The following BCS1L variants were observed in gnomAD, a reference collection of about 807,000 sequenced individuals.
BCS1L encodes the protein mitochondrial chaperone BCS1.
BCS1L carries 38 observed loss-of-function variants against 49.3 expected under a neutral mutation model. The observed-to-expected ratio is 0.77, with a 90% CI of 0.59 to 1.01. The LOEUF (loss-of-function observed/expected upper bound fraction) is 1.01, where lower values mean the gene tolerates loss of function less well. Ranked by LOEUF, BCS1L falls within the 50% of genes least tolerant of loss-of-function variation. The pLI is 0.00. For synonymous variants in BCS1L, 193 were observed against 210.1 expected (o/e 0.92, Z 0.70); for missense variants, 394 against 540.2 (o/e 0.73, Z 2.68).
rs6722185 is a variant in BCS1L, at chr2:218,660,859, A to G, written c.-49-80A>G. ...AAGGAGGGTATTGACCCACACAGTA[A>G]TGCTGACCTGTGGCCAGGGCTGGGG... On this transcript the variant is annotated intron_variant, in intron 1 of 7. Coordinates refer to ENST00000359273, the MANE Select transcript of BCS1L (RefSeq NM_001079866.2). The G allele has an allele frequency of 1, 1,020,655 of 1,023,336 alleles. 509,042 individuals carry two copies. The highest frequency in any genetic ancestry group is 1 in the East Asian group (41,180 of 41,180). The allele number at this position is 1,023,336 out of a possible 1,614,324, so 63.4% of individuals were successfully genotyped here. A position where few individuals can be genotyped will look rare whatever the true frequency, so the allele number is the denominator to read the frequency against.
chr2:218,661,077 C>T lies in BCS1L; in HGVS notation c.90C>T (p.Ala30=). The change falls in exon 2 of 8, where the codon GCC becomes GCT. Residue 30 remains alanine, a synonymous_variant. Coordinates refer to ENST00000359273, the MANE Select transcript of BCS1L (RefSeq NM_001079866.2). The surrounding 1 kb of genome is among the most constrained non-coding windows in gnomAD (Gnocchi z 5.9). ...TGGTGGGTGTGGGCACAGCCCTGGC[C>T]CTGGCCCGGAAGGGTGTCCAACTGG... ...FGLVGVGTAL[A]LARKGVQLGL... is the part of the protein sequence containing the mutation. 6.2e-7 allele frequency: 1 copy of T among 1,614,154 alleles called. No homozygotes were observed. The highest frequency in any genetic ancestry group is 8.5e-7 in the Non-Finnish European group (1 of 1,180,034).
At chr2:218,659,666 G>T (rs1405027397), upstream of BCS1L, 1 of 152,290 alleles carries the variant, frequency 6.6e-6, no homozygotes, top group African/African-American at 2.4e-5. The surrounding 1 kb of genome is among the most constrained non-coding windows in gnomAD (Gnocchi z 4.4). Flanking sequence ...GAAAGGACCC[G>T]GGGCGGGGCC....
Position 218,662,791 on chromosome 2 carries a change from G to A in BCS1L, c.890-92G>A. ...CTGGGTTAGTGACAAGAGCCCACAAGACACATGGATAAGTAGGGGAACATA... is the reference window on the plus strand; with the variant it reads ...CTGGGTTAGTGACAAGAGCCCACAAAACACATGGATAAGTAGGGGAACATA... On this transcript the variant is annotated intron_variant, in intron 6 of 7. Coordinates refer to ENST00000359273, the MANE Select transcript of BCS1L (RefSeq NM_001079866.2). The surrounding 1 kb of genome is among the most constrained non-coding windows in gnomAD (Gnocchi z 5.8). The A allele has an allele frequency of 6.3e-7, 1 of 1,587,180 alleles. No homozygotes were observed. Among genetic ancestry groups the A allele is most frequent in the South Asian group, 1.1e-5 (1 of 90,218 alleles).
rs369537319 is a variant in BCS1L at position 218,660,615 on chromosome 2, TG to T, written c.-49-322del. On this transcript the variant is annotated intron_variant, in intron 1 of 7. Transcript: ENST00000359273. ...CTTCTCCCTTGCTGACTGCAGCCAA[TG>T]GACCCCTTTTTATCATAGCTGGTCC... 7.0e-4 allele frequency: 173 copies of T among 248,440 alleles called. 1 individual carries two copies. In the East Asian group the frequency reaches 0.014, roughly 20 times the overall value. 15.4% of individuals were successfully genotyped at this position (248,440 alleles called of 1,614,324 possible).
intron 1 of BCS1L, 151 bp from the exon 2 acceptor site, chr2:218,660,788 C>A: frequency 1.7e-6 from 1 of 605,256 alleles, no homozygotes; most frequent in Non-Finnish European, 2.9e-6. Context: ...GGATGAGGGA[C>A]CTGGAGCCTC....
chr2:218,662,584 G>C lies in BCS1L; in HGVS notation c.794G>C (p.Arg265Pro), dbSNP rs776401479. Residue 265 changes from arginine (R) to proline (P), a missense_variant, in exon 6 of 8, where the codon CGA (arginine) becomes CCA (proline). By Grantham distance (103) the Arg-to-Pro change is moderately radical. Transcript: ENST00000359273. The surrounding 1 kb of genome is among the most constrained non-coding windows in gnomAD (Gnocchi z 5.8). ...ACGGACTCCAGCCTCTCTGATGACCGACTCAACCACCTGCTGAGCGTGGCC... is the reference window on the plus strand; with the variant it reads ...ACGGACTCCAGCCTCTCTGATGACCCACTCAACCACCTGCTGAGCGTGGCC... ...SLTDSSLSDD[R>P]LNHLLSVAPQ... 1.2e-6 allele frequency: 2 copies of C among 1,614,044 alleles called. No individual in the cohort carries two copies. The highest frequency in any genetic ancestry group is 2.7e-5 in the African/African-American group (2 of 74,922).
Position 218,661,723 on chromosome 2 carries a change from A to G in BCS1L, c.461-36A>G. 6.2e-7 allele frequency: 1 copy of G among 1,603,970 alleles called. No homozygotes were observed. The highest frequency in any genetic ancestry group is 8.5e-7 in the Non-Finnish European group (1 of 1,173,878). ...AATTGAAGAATCAGCCATGGTGAAG[A>G]GAATTATTGGCTTTATCTCATCTTC... On this transcript the variant is annotated intron_variant, in intron 3 of 7. Coordinates refer to ENST00000359273, the MANE Select transcript of BCS1L (RefSeq NM_001079866.2). The surrounding 1 kb of genome is among the most constrained non-coding windows in gnomAD (Gnocchi z 5.9).
rs769187920 is a variant in BCS1L at position 218,661,755 on chromosome 2, C to G, written c.461-4C>G. ...TTGGCTTTATCTCATCTTCTCCTTC[C>G]CAGCTCGAGAGCTAGCCTTGCAGCA... On this transcript the variant is annotated splice_region_variant and splice_polypyrimidine_tract_variant and intron_variant, in intron 3 of 7. Coordinates refer to ENST00000359273, the MANE Select transcript of BCS1L (RefSeq NM_001079866.2). The surrounding 1 kb of genome is among the most constrained non-coding windows in gnomAD (Gnocchi z 5.9). The G allele has an allele frequency of 6.2e-7, 1 of 1,608,628 alleles. No individual in the cohort carries two copies. Among genetic ancestry groups the G allele is most frequent in the South Asian group, 1.1e-5 (1 of 90,920 alleles).
In BCS1L at chr2:218,661,334, T is replaced by A; in HGVS notation, c.320+27T>A. 1 of 1,614,164 alleles carries A rather than the reference T, an allele frequency of 6.2e-7. No homozygotes were observed. The highest frequency in any genetic ancestry group is 8.5e-7 in the Non-Finnish European group (1 of 1,180,018). On this transcript the variant is annotated intron_variant, in intron 2 of 7. Transcript: ENST00000359273. The surrounding 1 kb of genome is among the most constrained non-coding windows in gnomAD (Gnocchi z 5.9). ...TAAGGTGGGGAGCTAGGGAGGGCTG[T>A]GAGAGTAGAAAAGAATGATGGGAGC...
rs1939571554 is a variant in BCS1L at position 218,662,424 on chromosome 2, A to G, written c.720-86A>G. 1 of 1,570,478 alleles carries G rather than the reference A, an allele frequency of 6.4e-7. No homozygotes were observed. The highest frequency in any genetic ancestry group is 1.1e-5 in the South Asian group (1 of 90,068). On this transcript the variant is annotated intron_variant, in intron 5 of 7. Transcript: ENST00000359273. This position sits in a 1 kb window ranked among gnomAD's most constrained non-coding sequence, Gnocchi z 5.8. ...GGTAGAAGTCAGGCCTCTGAGACAC[A>G]TGTCCCCAGGCGGTGAGGAGAGTAG...
chr2:218,662,479 CT>C lies in BCS1L; in HGVS notation c.720-30del. On this transcript the variant is annotated intron_variant, in intron 5 of 7. Coordinates refer to ENST00000359273, the MANE Select transcript of BCS1L (RefSeq NM_001079866.2). The surrounding 1 kb of genome is among the most constrained non-coding windows in gnomAD (Gnocchi z 5.8). ...GCCTGAGGAAGCATTTCCAGGTTGCCTGCTACCTCCTGCCATCCCATGCTCC... is the reference window on the plus strand; with the variant it reads ...GCCTGAGGAAGCATTTCCAGGTTGCCGCTACCTCCTGCCATCCCATGCTCC... The C allele has an allele frequency of 6.2e-7, 1 of 1,613,078 alleles. No homozygotes were observed. The highest frequency in any genetic ancestry group is 1.3e-5 in the African/African-American group (1 of 75,018).
chr2:218,661,163 G>A lies in BCS1L; in HGVS notation c.176G>A (p.Ser59Asn), dbSNP rs983262761. The part of the protein sequence containing the change: ...ITLEVPARDR[S>N]YAWLLSWLTR... Reference sequence around the variant, plus strand: ...CTGGAAGTCCCTGCTCGAGACAGGAGCTATGCCTGGTTGCTTAGCTGGCTC... The same window carrying A: ...CTGGAAGTCCCTGCTCGAGACAGGAACTATGCCTGGTTGCTTAGCTGGCTC... The change falls in exon 2 of 8, where the codon AGC becomes AAC. Residue 59 changes from serine (S) to asparagine (N), a missense_variant. Physicochemically the swap from Ser to Asn is conservative, Grantham distance 46. Coordinates refer to ENST00000359273, the MANE Select transcript of BCS1L (RefSeq NM_001079866.2). The surrounding 1 kb of genome is among the most constrained non-coding windows in gnomAD (Gnocchi z 5.9). 2.5e-6 allele frequency: 4 copies of A among 1,614,100 alleles called. No homozygotes were observed. In the African/African-American group the frequency reaches 5.3e-5, roughly 22 times the overall value.
Position 218,661,588 on chromosome 2 carries a change from A to G in BCS1L, c.460+43A>G. 6.2e-7 allele frequency: 1 copy of G among 1,612,176 alleles called. No homozygotes were observed. Among genetic ancestry groups the G allele is most frequent in the Non-Finnish European group, 8.5e-7 (1 of 1,179,198 alleles). On this transcript the variant is annotated intron_variant, in intron 3 of 7. Coordinates refer to ENST00000359273, the MANE Select transcript of BCS1L (RefSeq NM_001079866.2). This position sits in a 1 kb window ranked among gnomAD's most constrained non-coding sequence, Gnocchi z 5.9. Reference sequence around the variant, plus strand: ...CAGGCTTTCTAGGGACATTGCAGGGATGGGGACATTTGACATCAGATGAGC... The same window carrying G: ...CAGGCTTTCTAGGGACATTGCAGGGGTGGGGACATTTGACATCAGATGAGC...
At position 218,661,920 on chromosome 2, in the gene BCS1L, TTCA is replaced by T. The variant is rs1284938469; in HGVS notation, c.625_627del (p.Ile209del). On this transcript the variant is annotated inframe_deletion, in exon 4 of 8. Transcript: ENST00000359273. The surrounding 1 kb of genome is among the most constrained non-coding windows in gnomAD (Gnocchi z 5.9). ...CCGAATTGTCAGAGACGTCCAGGAA[TTCA>T]TCGATAACCCCAAGTGGTACACTGA... 18 of 1,614,020 alleles carry T rather than the reference TTCA, an allele frequency of 1.1e-5. No individual in the cohort carries two copies. The highest frequency in any genetic ancestry group is 1.4e-5 in the Non-Finnish European group (17 of 1,180,036).
chr2:218,661,198 A>G lies in BCS1L; in HGVS notation c.211A>G (p.Ser71Gly). 6.2e-7 allele frequency: 1 copy of G among 1,614,248 alleles called. No individual in the cohort carries two copies. The highest frequency in any genetic ancestry group is 8.5e-7 in the Non-Finnish European group (1 of 1,180,040). Reference sequence around the variant, plus strand: ...GTTGCTTAGCTGGCTCACCCGCCACAGTACCCGTACTCAGCACCTCAGTGT... The same window carrying G: ...GTTGCTTAGCTGGCTCACCCGCCACGGTACCCGTACTCAGCACCTCAGTGT... ...AWLLSWLTRHSTRTQHLSVET... is the reference protein window; with the variant it reads ...AWLLSWLTRHGTRTQHLSVET... The change falls in exon 2 of 8, where the codon AGT becomes GGT. Residue 71 changes from serine to glycine, a missense_variant. Ser to Gly is a moderately conservative substitution (Grantham distance 56). Coordinates refer to ENST00000359273, the MANE Select transcript of BCS1L (RefSeq NM_001079866.2). This position sits in a 1 kb window ranked among gnomAD's most constrained non-coding sequence, Gnocchi z 5.9.
Position 218,661,032 on chromosome 2 carries a change from C to T in BCS1L, c.45C>T (p.Tyr15=). The part of the protein sequence containing the change: ...DFILALKDNP[Y]FGAGFGLVGV... ...TTCTGGCTCTGAAGGACAATCCCTACTTTGGGGCTGGATTTGGGCTGGTGG... is the reference window on the plus strand; with the variant it reads ...TTCTGGCTCTGAAGGACAATCCCTATTTTGGGGCTGGATTTGGGCTGGTGG... Residue 15 remains tyrosine, a synonymous_variant, in exon 2 of 8, where the codon TAC becomes TAT. Transcript: ENST00000359273. This position sits in a 1 kb window ranked among gnomAD's most constrained non-coding sequence, Gnocchi z 5.9. The T allele has an allele frequency of 6.2e-7, 1 of 1,614,158 alleles. No homozygotes were observed. The highest frequency in any genetic ancestry group is 1.6e-4 in the Middle Eastern group (1 of 6,062).
In BCS1L at chr2:218,661,764, G is replaced by T; in HGVS notation, c.466G>T (p.Glu156Ter). 1 of 1,609,424 alleles carries T rather than the reference G, an allele frequency of 6.2e-7. No homozygotes were observed. Among genetic ancestry groups the T allele is most frequent in the South Asian group, 1.1e-5 (1 of 91,014 alleles). ...VFFNILEEAR[E>*]LALQQEEGKT... ...TCTCATCTTCTCCTTCCCAGCTCGA[G>T]AGCTAGCCTTGCAGCAGGAGGAAGG... The change falls in exon 4 of 8, where the codon GAG (glutamate) becomes TAG (stop). Residue 156 changes from glutamate (E) to a stop codon, truncating the protein, a stop_gained. Coordinates refer to ENST00000359273, the MANE Select transcript of BCS1L (RefSeq NM_001079866.2). LOFTEE classifies it high-confidence loss of function. This position sits in a 1 kb window ranked among gnomAD's most constrained non-coding sequence, Gnocchi z 5.9.
rs749998663 is a variant in BCS1L at position 218,661,118 on chromosome 2, G to A, written c.131G>A (p.Arg44Gln). Residue 44 changes from arginine (R) to glutamine (Q), a missense_variant, in exon 2 of 8, where the codon CGG (arginine) becomes CAG (glutamine). By Grantham distance (43) the Arg-to-Gln change is conservative. Coordinates refer to ENST00000359273, the MANE Select transcript of BCS1L (RefSeq NM_001079866.2). This position sits in a 1 kb window ranked among gnomAD's most constrained non-coding sequence, Gnocchi z 5.9. ...GTCCAACTGGGCCTGGTGGCATTCC[G>A]GCGCCATTACATGATCACACTGGAA... ...KGVQLGLVAF[R>Q]RHYMITLEVP... The A allele has an allele frequency of 1.2e-6, 2 of 1,614,176 alleles. No homozygotes were observed. Among genetic ancestry groups the A allele is most frequent in the South Asian group, 1.1e-5 (1 of 91,088 alleles).
rs543655130 is a variant in BCS1L, at chr2:218,662,969, A to G, written c.976A>G (p.Ile326Val). 3 of 1,613,526 alleles carry G rather than the reference A, an allele frequency of 1.9e-6. No individual in the cohort carries two copies. Among genetic ancestry groups the G allele is most frequent in the African/African-American group, 1.3e-5 (1 of 74,788 alleles). ...LDGVASTEARIVFMTTNHVDR... is the reference protein window; with the variant it reads ...LDGVASTEARVVFMTTNHVDR... Reference sequence around the variant, plus strand: ...TGGTGTGGCTTCCACCGAGGCCCGCATCGTGTTCATGACCACCAACCACGT... The same window carrying G: ...TGGTGTGGCTTCCACCGAGGCCCGCGTCGTGTTCATGACCACCAACCACGT... Residue 326 changes from isoleucine (I) to valine (V), a missense_variant, in exon 7 of 8, where the codon ATC becomes GTC. Ile to Val is a conservative substitution (Grantham distance 29, BLOSUM62 3). Transcript: ENST00000359273. This position sits in a 1 kb window ranked among gnomAD's most constrained non-coding sequence, Gnocchi z 5.8.
Sources: gnomAD v4.1 joint callset for allele counts on GRCh38, gnomAD v4.1.1 for gene constraint, Gnocchi (gnomAD v3.1) non-coding constraint, MANE v1.5 for transcripts, NCBI Gene and HGNC (gene_info 2026-07-23, HGNC 2026-07-21) for gene names.